B4GALT6: variants seen among roughly 807,000 people sequenced by gnomAD.
B4GALT6 encodes beta-1,4-galactosyltransferase 6, also known as UDP-Gal:beta-GlcNAc beta-1,4-galactosyltransferase 6.
A neutral mutation model predicts 46.3 loss-of-function variants in B4GALT6; 14 were observed. That is an observed-to-expected ratio of 0.30 (90% CI 0.20 to 0.47). B4GALT6 has a LOEUF of 0.47. Among genes scored for constraint, B4GALT6 ranks in the 20% least tolerant of loss-of-function variants. The probability of loss-of-function intolerance (pLI) is 0.99; values close to 1 mark genes in which losing one functional copy is unlikely to be tolerated. For synonymous variants in B4GALT6, 168 were observed against 162.0 expected (o/e 1.04, Z -0.28); for missense variants, 386 against 480.1 (o/e 0.80, Z 1.83).
intron 2 of B4GALT6, 79 bp downstream of exon 2, chr18:31,666,177 A>C: frequency 1.4e-6 from 1 of 702,256 alleles, no homozygotes; most frequent in Non-Finnish European, 2.3e-6. Flanking sequence ...ACAGGAAGTT[A>C]CCTGAAGGCA....
the B4GALT6 span, among the ~76,000 whole-genome samples, chr18:31,696,552 A>T: frequency 1.3e-5 from 2 of 152,142 alleles, no homozygotes; most frequent in African/African-American, 2.4e-5. Flanking sequence ...TTCTAAAATT[A>T]TTGGTGTCTG....
chr18:31,667,655 G>A (rs1370083202), intron 1 of B4GALT6, among the ~76,000 whole-genome samples: 1 of 152,082 alleles, frequency 6.6e-6, no homozygotes, highest in Admixed American at 6.5e-5. Context: ...GAGACAAACA[G>A]AAATCCAGGT....
chr18:31,626,223 A>G lies in B4GALT6; in HGVS notation c.1001+60T>C, dbSNP rs2073694693. 4 of 996,936 alleles carry G rather than the reference A, an allele frequency of 4.0e-6. No individual in the cohort carries two copies. The South Asian group carries it at 7.4e-5, about 18-fold the overall frequency. 61.8% of individuals were successfully genotyped at this position (996,936 alleles called of 1,614,324 possible). ...TTTGGGGTTCAATGCATTTTTATTT[A>G]CCTTTCATTTATTCAACAGCTTTGG... On this transcript the variant is annotated intron_variant, in intron 8 of 8. Coordinates refer to ENST00000306851, the MANE Select transcript of B4GALT6 (RefSeq NM_004775.5).
At chr18:31,715,534 TG>T in the B4GALT6 span, among the ~76,000 whole-genome samples, 3 of 126,110 alleles carry the variant, frequency 2.4e-5, no homozygotes, top group African/African-American at 8.8e-5. Context: ...GGTCTGGAAC[TG>T]TCTTTTTTTT....
chr18:31,648,438 G>A (rs963596364), intron 3 of B4GALT6, among the ~76,000 whole-genome samples: 1 of 152,130 alleles, frequency 6.6e-6, no homozygotes, highest in Non-Finnish European at 1.5e-5. Context: ...AAGAGTGGAG[G>A]GGCTGCCAAG....
intron 1 of B4GALT6, among the ~76,000 whole-genome samples, chr18:31,671,684 T>C (rs528794450): frequency 6.6e-6 from 1 of 152,374 alleles, no homozygotes; most frequent in South Asian, 2.1e-4. Context: ...TAATTTCTTA[T>C]TGGCAAGACT....
At chr18:31,675,974 C>A (rs887115274) in intron 1 of B4GALT6, among the ~76,000 whole-genome samples, 1 of 152,036 alleles carries the variant, frequency 6.6e-6, no homozygotes, top group African/African-American at 2.4e-5. Context: ...GGAAAATGAG[C>A]CTAAAATGAG....
the B4GALT6 span, among the ~76,000 whole-genome samples, chr18:31,700,211 C>A: frequency 1.3e-5 from 2 of 151,812 alleles, no homozygotes; most frequent in Admixed American, 6.6e-5. Flanking sequence ...TTCTTAAAAA[C>A]TGTTCAGCAA....
chr18:31,700,435 T>TGTG, the B4GALT6 span, among the ~76,000 whole-genome samples: 79 of 139,578 alleles, frequency 5.7e-4, no homozygotes, highest in South Asian at 1.9e-3. Context: ...AATTGACTAT[T>TGTG]TGTGTGTGTG....
At chr18:31,703,535 A>G in the B4GALT6 span, among the ~76,000 whole-genome samples, 1 of 152,230 alleles carries the variant, frequency 6.6e-6, no homozygotes, top group African/African-American at 2.4e-5. Flanking sequence ...CTGTTAGATC[A>G]ATGAGAAAGA....
At chr18:31,706,429 G>A in the B4GALT6 span, among the ~76,000 whole-genome samples, 10 of 152,088 alleles carry the variant, frequency 6.6e-5, no homozygotes, top group African/African-American at 1.2e-4. Context: ...TCAGGAGTTC[G>A]AGATCAGCCT....
upstream of B4GALT6, among the ~76,000 whole-genome samples, chr18:31,685,014 C>T (rs2074529450): frequency 6.8e-6 from 1 of 146,264 alleles, no homozygotes; most frequent in Admixed American, 6.8e-5. Flanking sequence ...CCAGCGCGCG[C>T]CACGCGCGGG....
At chr18:31,717,671 T>C in the B4GALT6 span, among the ~76,000 whole-genome samples, 2 of 152,080 alleles carry the variant, frequency 1.3e-5, no homozygotes, top group African/African-American at 4.8e-5. Context: ...AAATATGATA[T>C]TGGCGGGATG....
rs373090639 is a variant in B4GALT6, at chr18:31,645,453, C to T, written c.373G>A (p.Glu125Lys). 1.6e-5 allele frequency: 26 copies of T among 1,612,238 alleles called. No individual in the cohort carries two copies. The highest frequency in any genetic ancestry group is 1.9e-5 in the Non-Finnish European group (22 of 1,179,564). ...MRGFLNVNVS[E>K]VSFDEIHQLF... Reference sequence around the variant, plus strand: ...TGATGAATTTCATCAAAACTGACTTCGCTTACATTGACATTGAGGAATCCT... The same window carrying T: ...TGATGAATTTCATCAAAACTGACTTTGCTTACATTGACATTGAGGAATCCT... Residue 125 changes from glutamate (E) to lysine (K), a missense_variant, in exon 4 of 9, where the codon GAA (glutamate) becomes AAA (lysine). Physicochemically the swap from Glu to Lys is moderately conservative, Grantham distance 56. Coordinates refer to ENST00000306851, the MANE Select transcript of B4GALT6 (RefSeq NM_004775.5).
the B4GALT6 span, among the ~76,000 whole-genome samples, chr18:31,709,788 C>T: frequency 2.0e-5 from 3 of 151,868 alleles, no homozygotes; most frequent in South Asian, 2.1e-4. Flanking sequence ...AGGGACTTCT[C>T]AACTTTCAGA....
chr18:31,711,183 G>A, the B4GALT6 span, among the ~76,000 whole-genome samples: 11 of 152,174 alleles, frequency 7.2e-5, no homozygotes, highest in Non-Finnish European at 1.2e-4. Flanking sequence ...GGTTCTCCCT[G>A]TCTGCTCTCT....
At chr18:31,638,044 T>C (rs1210123411) in intron 5 of B4GALT6, among the ~76,000 whole-genome samples, 12 of 152,218 alleles carry the variant, frequency 7.9e-5, no homozygotes. Flanking sequence ...TCCTGTAAGG[T>C]AAATATAAGC....
At chr18:31,626,937 T>C (rs1220984990) in intron 7 of B4GALT6, 62 bp downstream of exon 7, 7 of 1,422,310 alleles carry the variant, frequency 4.9e-6, no homozygotes, top group Non-Finnish European at 9.7e-7. Flanking sequence ...GTACTACAAT[T>C]TACCTAATAT....
intron 1 of B4GALT6, among the ~76,000 whole-genome samples, chr18:31,670,164 C>T (rs1196150886): frequency 6.6e-6 from 1 of 151,992 alleles, no homozygotes. Flanking sequence ...AGCGATCCTC[C>T]CACCTCAGTC....
Sources: gnomAD v4.1 joint callset for allele counts (sites outside exome capture counted in the v4.1 genomes callset) on GRCh38, gnomAD v4.1.1 for gene constraint, MANE v1.5 for transcripts, NCBI Gene and HGNC (gene_info 2026-07-23, HGNC 2026-07-21) for gene names.